Variants in SLC4A10 observed in about 807,000 individuals in gnomAD.
The protein encoded by SLC4A10 is sodium-driven chloride bicarbonate exchanger.
In SLC4A10, 42 loss-of-function variants were observed where a neutral mutation model predicts 137.7. That is an observed-to-expected ratio of 0.30 (90% confidence interval 0.24 to 0.39). The LOEUF is 0.39. Ranked by LOEUF, SLC4A10 falls within the 10% of genes least tolerant of loss-of-function variation. The pLI, the probability that SLC4A10 is intolerant of heterozygous loss-of-function variation, is 1.00. For synonymous variants in SLC4A10, 474 were observed against 464.1 expected (o/e 1.02, Z -0.27); for missense variants, 925 against 1,355.0 (o/e 0.68, Z 4.98).
At chr2:161,746,019 G>C (rs558917509) in intron 1 of SLC4A10, among the ~76,000 whole-genome samples, 1 of 152,098 alleles carries the variant, frequency 6.6e-6, no homozygotes, top group Non-Finnish European at 1.5e-5. Context: ...CTGGAATCTT[G>C]TTGGGTCACC....
intron 1 of SLC4A10, among the ~76,000 whole-genome samples, chr2:161,757,513 C>T (rs2049787750): frequency 6.6e-6 from 1 of 152,080 alleles, no homozygotes; most frequent in Non-Finnish European, 1.5e-5. Context: ...ACATGTAACT[C>T]ATTTACTCTT....
intron 5 of SLC4A10, 39 bp from the exon 6 acceptor site, chr2:161,862,835 G>A (rs1475187159): frequency 6.8e-7 from 1 of 1,478,912 alleles, no homozygotes; most frequent in Non-Finnish European, 9.0e-7. Flanking sequence ...CGTTCTAGAG[G>A]AAAGCTGTGC....
chr2:161,706,094 AT>A (rs1244631429), intron 1 of SLC4A10, among the ~76,000 whole-genome samples: 2 of 151,500 alleles, frequency 1.3e-5, no homozygotes, highest in Admixed American at 1.3e-4. Flanking sequence ...ATGTTAAGTA[AT>A]TTTTTGGATT....
At chr2:161,943,112 A>T (rs1209329111) in intron 16 of SLC4A10, among the ~76,000 whole-genome samples, 2 of 152,138 alleles carry the variant, frequency 1.3e-5, no homozygotes, top group Non-Finnish European at 1.5e-5. Context: ...TTGCTCAAAT[A>T]GCTCACTTAT....
chr2:161,730,445 A>G (rs1423697883), intron 1 of SLC4A10, among the ~76,000 whole-genome samples: 4 of 152,224 alleles, frequency 2.6e-5, no homozygotes, highest in Admixed American at 6.5e-5. Flanking sequence ...TCTCACTCAT[A>G]AAACAACCTA....
intron 26 of SLC4A10, among the ~76,000 whole-genome samples, chr2:161,979,755 G>C (rs1314288969): frequency 6.6e-6 from 1 of 152,134 alleles, no homozygotes; most frequent in African/African-American, 2.4e-5. Flanking sequence ...CAAAGAGCAG[G>C]TTACTAAGGT....
intron 1 of SLC4A10, among the ~76,000 whole-genome samples, chr2:161,760,350 T>A (rs1294050394): frequency 6.6e-6 from 1 of 152,078 alleles, no homozygotes; most frequent in South Asian, 2.1e-4. Flanking sequence ...ATCCATGGAA[T>A]TTGCAATTTT....
chr2:161,643,681 G>A (rs2035617238), intron 1 of SLC4A10, among the ~76,000 whole-genome samples: 1 of 152,080 alleles, frequency 6.6e-6, no homozygotes, highest in African/African-American at 2.4e-5. Flanking sequence ...TGTGACTGAC[G>A]TGGTCTGCAT....
chr2:161,856,889 A>G (rs2060136753), intron 5 of SLC4A10, among the ~76,000 whole-genome samples: 1 of 152,226 alleles, frequency 6.6e-6, no homozygotes, highest in Admixed American at 6.5e-5. Context: ...TCTGCCGCTT[A>G]AATCGATGAT....
At position 161,904,033 on chromosome 2, in the gene SLC4A10, A is replaced by G. The variant is rs751763132; in HGVS notation, c.1472A>G (p.Lys491Arg). ...RIFGGLILDI[K>R]RKAPYFWSDF... The stretch of plus-strand genomic sequence containing the variant: ...TTTGGGGGACTTATTTTAGATATCA[A>G]AAGAAAAGCTCCATACTTCTGGAGT... The change falls in exon 13 of 27, where the codon AAA becomes AGA. Residue 491 changes from lysine to arginine, a missense_variant. By Grantham distance (26) the Lys-to-Arg change is conservative (BLOSUM62 2). This residue lies in a region of SLC4A10 where 61 missense variants were observed against 59.0 expected (regional missense o/e 1.03). Transcript: ENST00000446997. 18 of 1,588,248 alleles carry G rather than the reference A, an allele frequency of 1.1e-5. No individual in the cohort carries two copies. The highest frequency in any genetic ancestry group is 1.3e-5 in the Non-Finnish European group (15 of 1,165,838).
At chr2:161,739,947 C>G (rs1329695161) in intron 1 of SLC4A10, among the ~76,000 whole-genome samples, 1 of 152,164 alleles carries the variant, frequency 6.6e-6, no homozygotes, top group East Asian at 1.9e-4. Flanking sequence ...TCCATAGGGT[C>G]ATGCCTTATA....
intron 1 of SLC4A10, among the ~76,000 whole-genome samples, chr2:161,702,976 A>G (rs1001249364): frequency 2.0e-5 from 3 of 151,760 alleles, no homozygotes; most frequent in South Asian, 2.1e-4. Context: ...TTCCTTTTCC[A>G]TTTTCATATT....
chr2:161,701,282 T>C lies in SLC4A10; in HGVS notation c.49-69691T>C, dbSNP rs537469186. The stretch of plus-strand genomic sequence containing the variant: ...TTTAGGTGTTTTTTGCTGTTAACAA[T>C]CTATTTATTTATGATCTGTGAACCT... On this transcript the variant is annotated intron_variant, in intron 1 of 26. Coordinates refer to ENST00000446997, the MANE Select transcript of SLC4A10 (RefSeq NM_001178015.2). Among the ~76,000 whole-genome samples the C allele has an allele frequency of 2.0e-5, 3 of 152,112 alleles. No homozygotes were observed. The East Asian group carries it at 5.8e-4, about 29-fold the overall frequency.
At chr2:161,861,044 T>G (rs1318813062) in intron 5 of SLC4A10, among the ~76,000 whole-genome samples, 1 of 152,244 alleles carries the variant, frequency 6.6e-6, no homozygotes, top group Non-Finnish European at 1.5e-5. Flanking sequence ...GCTGCTTTCT[T>G]GCTACAAAGG....
At chr2:161,913,779 C>T (rs576430224) in intron 15 of SLC4A10, among the ~76,000 whole-genome samples, 1 of 152,238 alleles carries the variant, frequency 6.6e-6, no homozygotes, top group African/African-American at 2.4e-5. Flanking sequence ...TCAACTTCTT[C>T]TCACCTGTTG....
At chr2:161,860,227 A>G (rs1327273099) in intron 5 of SLC4A10, among the ~76,000 whole-genome samples, 1 of 152,192 alleles carries the variant, frequency 6.6e-6, no homozygotes. Context: ...TAATGAACAG[A>G]TGAGTGTGTT....
intron 7 of SLC4A10, among the ~76,000 whole-genome samples, chr2:161,872,646 A>G (rs1017211391): frequency 6.6e-6 from 1 of 151,752 alleles, no homozygotes; most frequent in African/African-American, 2.4e-5. Context: ...TTCCAATAAA[A>G]AGAATAACTG....
chr2:161,656,951 T>C (rs1440024983), intron 1 of SLC4A10, among the ~76,000 whole-genome samples: 1 of 152,106 alleles, frequency 6.6e-6, no homozygotes, highest in Non-Finnish European at 1.5e-5. Flanking sequence ...AAAAATATTA[T>C]GTAGTCAAAT....
chr2:161,957,372 A>G, intron 20 of SLC4A10, 132 bp downstream of exon 20: 1 of 1,069,274 alleles, frequency 9.4e-7, no homozygotes. Flanking sequence ...TTTCTGAACC[A>G]TGTTTATATA....
Sources: gnomAD v4.1 joint callset for allele counts (sites outside exome capture counted in the v4.1 genomes callset) on GRCh38, gnomAD v4.1.1 for gene constraint, gnomAD v4.1.1 regional missense constraint, MANE v1.5 for transcripts, NCBI Gene and HGNC (gene_info 2026-07-23, HGNC 2026-07-21) for gene names.